The following GDF5 variants were observed in gnomAD, a reference collection of about 807,000 sequenced individuals.
The protein encoded by GDF5 is growth/differentiation factor 5.
GDF5 carries 17 observed loss-of-function variants against 34.6 expected under a neutral mutation model. The observed-to-expected ratio is 0.49, with a 90% CI of 0.34 to 0.74. The LOEUF (loss-of-function observed/expected upper bound fraction) is 0.74. Ranked by LOEUF, GDF5 falls within the 30% of genes least tolerant of loss-of-function variation. The probability of loss-of-function intolerance (pLI) is 0.01; values close to 1 mark genes in which losing one functional copy is unlikely to be tolerated. For synonymous variants in GDF5, 332 were observed against 290.7 expected (o/e 1.14, Z -1.44); for missense variants, 616 against 661.2 (o/e 0.93, Z 0.75).
chr20:35,445,520 T>C lies in GDF5; in HGVS notation c.-397-4133A>G, dbSNP rs375543546. ...CTCTACTAAAAATACAAAAATTAGC[T>C]GGGCATGGTGGCGGGCACCTGTAAT... On this transcript the variant is annotated intron_variant, in intron 1 of 3. Transcript: ENST00000374372. Among the ~76,000 whole-genome samples the C allele has an allele frequency of 5.9e-5, 9 of 151,582 alleles. No individual in the cohort carries two copies. The East Asian group carries it at 1.7e-3, about 29-fold the overall frequency.
At chr20:35,434,891 T>C in intron 1 of GDF5, 108 bp from the exon 2 acceptor site, 1 of 1,145,154 alleles carries the variant, frequency 8.7e-7, no homozygotes, top group Non-Finnish European at 1.3e-6. Context: ...AGAGCTTTCT[T>C]TCACCTCTGC....
At position 35,434,334 on chromosome 20, in the gene GDF5, G is replaced by A. The variant is rs758630897; in HGVS notation, c.1081C>T (p.Arg361Cys). The A allele has an allele frequency of 1.2e-6, 2 of 1,613,858 alleles. No individual in the cohort carries two copies. Among genetic ancestry groups the A allele is most frequent in the Non-Finnish European group, 1.7e-6 (2 of 1,180,026 alleles). ...RDLFFNEIKA[R>C]SGQDDKTVYE... Reference sequence around the variant, plus strand: ...ACGGTCTTATCGTCCTGGCCAGAGCGGGCCTTAATCTCATTAAAGAACAGG... The same window carrying A: ...ACGGTCTTATCGTCCTGGCCAGAGCAGGCCTTAATCTCATTAAAGAACAGG... The change falls in exon 2 of 2, where the codon CGC (arginine) becomes TGC (cysteine). Residue 361 changes from arginine to cysteine, a missense_variant. Arg to Cys is a radical substitution (Grantham distance 180). Coordinates refer to ENST00000374369, the MANE Select transcript of GDF5 (RefSeq NM_000557.5).
At chr20:35,448,824 T>C (rs1601081744) in intron 1 of GDF5, among the ~76,000 whole-genome samples, 1 of 152,162 alleles carries the variant, frequency 6.6e-6, no homozygotes, top group East Asian at 1.9e-4. Context: ...AAGCCCTGAG[T>C]GATAGTGAAA....
intron 1 of GDF5, among the ~76,000 whole-genome samples, chr20:35,436,034 G>T (rs781644212): frequency 2.6e-5 from 4 of 152,180 alleles, no homozygotes; most frequent in Non-Finnish European, 5.9e-5. Context: ...TTCAGCATGT[G>T]TGTATAAACA....
At chr20:35,444,810 G>T (rs1317527329) in intron 1 of GDF5, among the ~76,000 whole-genome samples, 1 of 152,112 alleles carries the variant, frequency 6.6e-6, no homozygotes, top group African/African-American at 2.4e-5. Context: ...GGCCAGGCTG[G>T]TCTCGAACTC....
chr20:35,442,706 G>A (rs114208831), upstream of GDF5, among the ~76,000 whole-genome samples: 1,149 of 150,834 alleles, frequency 7.6e-3, 12 homozygotes, highest in African/African-American at 0.027. Context: ...CAAGACGCCC[G>A]GCTAATTTTT....
chr20:35,434,836 C>T (rs767257766), intron 1 of GDF5, 53 bp from the exon 2 acceptor site: 26 of 1,577,496 alleles, frequency 1.6e-5, no homozygotes, highest in Non-Finnish European at 2.2e-5. Context: ...GGGAGCCAGT[C>T]ACTTCGAGGC....
chr20:35,435,147 G>A (rs1010161695), intron 1 of GDF5: 3 of 561,536 alleles, frequency 5.3e-6, no homozygotes, highest in Non-Finnish European at 3.3e-6. Flanking sequence ...TAGGTGGAGT[G>A]AGCATTAAAA....
At position 35,437,311 on chromosome 20, in the gene GDF5, A is replaced by G; in HGVS notation, c.618T>C (p.Ile206=). 1 of 1,611,462 alleles carries G rather than the reference A, an allele frequency of 6.2e-7. No individual in the cohort carries two copies. The highest frequency in any genetic ancestry group is 8.5e-7 in the Non-Finnish European group (1 of 1,178,504). The change falls in exon 1 of 2, where the codon ATT becomes ATC. Residue 206 remains isoleucine, a synonymous_variant. Transcript: ENST00000374369. ...CCGCCCCCTCACCTTGCCCTTTGTC[A>G]ATAAAGCTGGTGATGGTGTTGGCCA... The part of the protein sequence containing the change: ...AGLANTITSF[I]DKGQDDRGPV...
rs1447534280 is a variant in GDF5, at chr20:35,438,226, A to G, written c.-298T>C. 12 of 465,922 alleles carry G rather than the reference A, an allele frequency of 2.6e-5. No individual in the cohort carries two copies. The highest frequency in any genetic ancestry group is 4.7e-5 in the Non-Finnish European group (12 of 253,048). The allele number at this position is 465,922 out of a possible 1,614,324, so 28.9% of individuals were successfully genotyped here. A position where few individuals can be genotyped will look rare whatever the true frequency, so the allele number is the denominator to read the frequency against. On this transcript the variant is annotated 5_prime_UTR_variant, in exon 1 of 2. Coordinates refer to ENST00000374369, the MANE Select transcript of GDF5 (RefSeq NM_000557.5). Reference sequence around the variant, plus strand: ...CCGACCGCCCCCTTTCTCCTGCACAACTGACTGAGGGCTTGAAGGAGGCTT... The same window carrying G: ...CCGACCGCCCCCTTTCTCCTGCACAGCTGACTGAGGGCTTGAAGGAGGCTT...
intron 1 of GDF5, among the ~76,000 whole-genome samples, chr20:35,452,113 T>A (rs1194604645): frequency 2.6e-5 from 4 of 152,208 alleles, no homozygotes; most frequent in Admixed American, 2.0e-4. Flanking sequence ...TAATGCCTGA[T>A]GATCTGAGGT....
At chr20:35,453,166 C>T (rs868343521) in intron 1 of GDF5, among the ~76,000 whole-genome samples, 2 of 152,136 alleles carry the variant, frequency 1.3e-5, no homozygotes, top group African/African-American at 2.4e-5. Context: ...AGAAGAATGG[C>T]GTGAACCCGG....
intron 1 of GDF5, chr20:35,454,237 A>G (rs2062555474): frequency 1.1e-4 from 38 of 332,434 alleles, no homozygotes; most frequent in South Asian, 8.4e-4. Context: ...GAGGATCACG[A>G]GGTCAAGAGA....
chr20:35,443,419 T>A (rs1410370839), intron 1 of GDF5, among the ~76,000 whole-genome samples: 1 of 152,106 alleles, frequency 6.6e-6, no homozygotes, highest in Non-Finnish European at 1.5e-5. Flanking sequence ...CCTTCTGCCA[T>A]GTAGAGCCTT....
intron 1 of GDF5, among the ~76,000 whole-genome samples, chr20:35,451,484 C>T (rs1461181272): frequency 1.3e-5 from 2 of 151,876 alleles, no homozygotes; most frequent in Non-Finnish European, 2.9e-5. Flanking sequence ...TTATAGGACT[C>T]TTGGGCCCCA....
intron 1 of GDF5, among the ~76,000 whole-genome samples, chr20:35,444,463 G>C (rs565684751): frequency 1.2e-4 from 18 of 152,316 alleles, no homozygotes; most frequent in African/African-American, 3.8e-4. Flanking sequence ...TACATCTGAG[G>C]TAAGGAGGAG....
In GDF5 at chr20:35,434,108, G is replaced by C. The variant is rs1402328823; in HGVS notation, c.1307C>G (p.Pro436Arg). The part of the protein sequence containing the change: ...AFHCEGLCEF[P>R]LRSHLEPTNH... Reference sequence around the variant, plus strand: ...CGTGGGCTCCAGGTGGGAGCGCAATGGGAACTCGCACAGCCCCTCGCAGTG... The same window carrying C: ...CGTGGGCTCCAGGTGGGAGCGCAATCGGAACTCGCACAGCCCCTCGCAGTG... The change falls in exon 2 of 2, where the codon CCA (proline) becomes CGA (arginine). Residue 436 changes from proline (P) to arginine (R), a missense_variant. Coordinates refer to ENST00000374369, the MANE Select transcript of GDF5 (RefSeq NM_000557.5). 6.2e-7 allele frequency: 1 copy of C among 1,614,122 alleles called. No individual in the cohort carries two copies. The highest frequency in any genetic ancestry group is 1.7e-5 in the Admixed American group (1 of 60,016).
intron 1 of GDF5, among the ~76,000 whole-genome samples, chr20:35,451,049 A>ATATATATATATAT (rs2062529809): frequency 1.0e-3 from 87 of 83,592 alleles, no homozygotes; most frequent in Middle Eastern, 5.6e-3. Context: ...ACAGAAAAAA[A>ATATATATATATAT]AAAAAAAAAA....
Position 35,451,117 on chromosome 20 carries a change from A to G in GDF5, c.-398+3523T>C, listed in dbSNP as rs186933709. Among the ~76,000 whole-genome samples the G allele has an allele frequency of 6.3e-5, 9 of 142,118 alleles. No homozygotes were observed. In the East Asian group the frequency reaches 1.6e-3, roughly 25 times the overall value. The allele number at this position is 142,118 out of a possible 152,430, so 93.2% of individuals were successfully genotyped here. On this transcript the variant is annotated intron_variant, in intron 1 of 3. Transcript: ENST00000374372. ...TACACAAATATATATGTAGTGATTT[A>G]GCACCTCATTTTGAAATTTCACATA...
Sources: gnomAD v4.1 joint callset for allele counts (sites outside exome capture counted in the v4.1 genomes callset) on GRCh38, gnomAD v4.1.1 for gene constraint, MANE v1.5 for transcripts, NCBI Gene and HGNC (gene_info 2026-07-23, HGNC 2026-07-21) for gene names.